CYRIA: variants seen among roughly 807,000 people sequenced by gnomAD.
The protein encoded by CYRIA is CYFIP-related Rac1 interactor A.
CYRIA carries 15 observed loss-of-function variants against 43.9 expected under a neutral mutation model. The observed-to-expected ratio is 0.34, with a 90% CI of 0.23 to 0.53. The LOEUF (loss-of-function observed/expected upper bound fraction) is 0.53. Among genes scored for constraint, CYRIA ranks in the 20% least tolerant of loss-of-function variants. The pLI is 0.94. For missense variants in CYRIA, 236 were observed against 394.2 expected, an observed-to-expected ratio of 0.60 and a Z score of 3.40; for synonymous variants, 117 against 136.0, an observed-to-expected ratio of 0.86 and a Z score of 0.97.
intron 1 of CYRIA, among the ~76,000 whole-genome samples, chr2:16,655,580 G>T (rs971691375): frequency 6.6e-6 from 1 of 152,280 alleles, no homozygotes; most frequent in East Asian, 1.9e-4. Flanking sequence ...GCTAAGCCCT[G>T]CTTGGGCTTG....
intron 1 of CYRIA, among the ~76,000 whole-genome samples, chr2:16,658,625 T>A (rs1670173719): frequency 6.6e-6 from 1 of 152,218 alleles, no homozygotes; most frequent in Non-Finnish European, 1.5e-5. Flanking sequence ...AGTTCTTGTC[T>A]CAGCCTTGGA....
At chr2:16,621,741 AG>A (rs557897963) in intron 2 of CYRIA, among the ~76,000 whole-genome samples, 50 of 152,122 alleles carry the variant, frequency 3.3e-4, no homozygotes, top group Non-Finnish European at 6.3e-4. Flanking sequence ...CCTTATCCAG[AG>A]GTGTTCCCTG....
At chr2:16,578,639 A>G (rs773571414) in intron 3 of CYRIA, among the ~76,000 whole-genome samples, 7 of 152,306 alleles carry the variant, frequency 4.6e-5, no homozygotes, top group Non-Finnish European at 7.4e-5. Context: ...GTTTCTACTA[A>G]TGATAAGCTC....
At chr2:16,660,871 T>G (rs1007735602) in intron 1 of CYRIA, among the ~76,000 whole-genome samples, 85 of 152,216 alleles carry the variant, frequency 5.6e-4, no homozygotes, top group African/African-American at 2.1e-3. Context: ...CTGGGAAACA[T>G]GGCACCCATT....
At chr2:16,580,201 G>A (rs1373332389) in intron 3 of CYRIA, among the ~76,000 whole-genome samples, 1 of 152,172 alleles carries the variant, frequency 6.6e-6, no homozygotes, top group East Asian at 1.9e-4. Flanking sequence ...GCCAGCCTCA[G>A]CCTCCCAAAG....
chr2:16,568,934 A>T (rs1264115394), intron 3 of CYRIA, among the ~76,000 whole-genome samples: 1 of 152,176 alleles, frequency 6.6e-6, no homozygotes, highest in African/African-American at 2.4e-5. Flanking sequence ...ATTTTTTTTA[A>T]AAAAATCCTG....
intron 2 of CYRIA, among the ~76,000 whole-genome samples, chr2:16,606,890 G>C (rs1047665164): frequency 6.6e-6 from 1 of 152,096 alleles, no homozygotes; most frequent in Non-Finnish European, 1.5e-5. Context: ...AAGGAGCAAA[G>C]GAAATTTGCT....
intron 2 of CYRIA, among the ~76,000 whole-genome samples, chr2:16,592,650 A>G (rs1298403151): frequency 1.3e-5 from 2 of 152,196 alleles, no homozygotes; most frequent in Non-Finnish European, 2.9e-5. Flanking sequence ...AATCTGAAGC[A>G]GAGTAGGCCA....
At chr2:16,592,185 G>T (rs557070452) in intron 2 of CYRIA, among the ~76,000 whole-genome samples, 9 of 152,192 alleles carry the variant, frequency 5.9e-5, no homozygotes, top group African/African-American at 2.2e-4. Flanking sequence ...TTTTGTATCT[G>T]GAAGGTTCAA....
intron 1 of CYRIA, among the ~76,000 whole-genome samples, chr2:16,637,518 C>T (rs1284455728): frequency 6.6e-6 from 1 of 152,232 alleles, no homozygotes; most frequent in African/African-American, 2.4e-5. Flanking sequence ...ACATCTTGAT[C>T]TTGGACTTCA....
chr2:16,568,497 G>C (rs780698791), intron 3 of CYRIA, among the ~76,000 whole-genome samples: 1 of 152,176 alleles, frequency 6.6e-6, no homozygotes, highest in Non-Finnish European at 1.5e-5. Context: ...CCCGTAACTG[G>C]AGAAAGTGTT....
intron 1 of CYRIA, among the ~76,000 whole-genome samples, chr2:16,654,508 T>C (rs1360222270): frequency 6.6e-6 from 1 of 152,022 alleles, no homozygotes; most frequent in African/African-American, 2.4e-5. Flanking sequence ...TAAAAAAAAA[T>C]AAAATTGTGG....
At chr2:16,647,932 G>A (rs1198435934) in intron 1 of CYRIA, among the ~76,000 whole-genome samples, 1 of 152,144 alleles carries the variant, frequency 6.6e-6, no homozygotes, top group African/African-American at 2.4e-5. Flanking sequence ...CACCACTACA[G>A]TAGTTTGAGG....
chr2:16,640,437 A>G (rs763833721), intron 1 of CYRIA, among the ~76,000 whole-genome samples: 11 of 152,242 alleles, frequency 7.2e-5, no homozygotes, highest in Non-Finnish European at 1.5e-4. Context: ...GACTGGGAGA[A>G]CCACAAGGCA....
At chr2:16,613,387 C>A (rs1412124105) in intron 2 of CYRIA, among the ~76,000 whole-genome samples, 2 of 152,214 alleles carry the variant, frequency 1.3e-5, no homozygotes, top group African/African-American at 2.4e-5. Context: ...GACACTCATT[C>A]CCCTGCTTTC....
chr2:16,625,079 A>C (rs1237121444), intron 1 of CYRIA, among the ~76,000 whole-genome samples: 2 of 152,164 alleles, frequency 1.3e-5, no homozygotes, highest in Admixed American at 1.3e-4. Context: ...CAAATGCATG[A>C]GACAGTTCTT....
intron 2 of CYRIA, among the ~76,000 whole-genome samples, chr2:16,599,389 G>A (rs1335457241): frequency 1.0e-4 from 2 of 19,470 alleles, no homozygotes; most frequent in Non-Finnish European, 9.7e-5. Flanking sequence ...GCGAGATTCC[G>A]TGGGCGTAGG....
At chr2:16,615,401 C>T (rs762653346) in intron 2 of CYRIA, among the ~76,000 whole-genome samples, 12 of 152,194 alleles carry the variant, frequency 7.9e-5, no homozygotes, top group Non-Finnish European at 1.5e-4. Flanking sequence ...ACAAGTGGGC[C>T]CCTTGATTAG....
chr2:16,575,811 G>A (rs1229579755), intron 3 of CYRIA, among the ~76,000 whole-genome samples: 1 of 151,780 alleles, frequency 6.6e-6, no homozygotes, highest in African/African-American at 2.4e-5. Context: ...AGCCGAGATT[G>A]CGCCACTGCA....
Sources: allele counts gnomAD v4.1 joint callset (sites outside exome capture counted in the v4.1 genomes callset), GRCh38; gene constraint gnomAD v4.1.1; transcripts MANE v1.5; gene names NCBI Gene and HGNC (gene_info 2026-07-23, HGNC 2026-07-21).